The following SLA variants were observed in gnomAD, a reference collection of about 807,000 sequenced individuals.
SLA encodes the protein src-like-adapter.
SLA carries 16 observed loss-of-function variants against 30.3 expected under a neutral mutation model. That is an observed-to-expected ratio of 0.53 (90% CI 0.36 to 0.80). The LOEUF is 0.80. SLA is among the 30% of genes least tolerant of loss of function. The pLI is 0.01. For missense variants in SLA, 310 were observed against 345.2 expected (o/e 0.90, Z 0.81); for synonymous variants, 143 against 137.8 (o/e 1.04, Z -0.26).
At position 133,075,463 on chromosome 8, in the gene SLA, T is replaced by C. The variant is rs555131157; in HGVS notation, c.-318-333A>G. Among the ~76,000 whole-genome samples the C allele has an allele frequency of 1.1e-4, 16 of 152,322 alleles. No homozygotes were observed. In the South Asian group the frequency reaches 3.3e-3, roughly 32 times the overall value. ...AATGTGTGCGTCAAGGGAAAAAAAC[T>C]AGAAAGAACATTATGAGATGGCAGT... On this transcript the variant is annotated intron_variant, in intron 1 of 8. Transcript: ENST00000338087.
intron 3 of SLA, among the ~76,000 whole-genome samples, chr8:133,054,867 T>C (rs1173705847): frequency 6.6e-6 from 1 of 152,218 alleles, no homozygotes; most frequent in Non-Finnish European, 1.5e-5. Context: ...TTTTGTAAAC[T>C]GTCATTCTTT....
intron 1 of SLA, chr8:133,087,817 T>C (rs1323361393): frequency 6.6e-6 from 1 of 152,180 alleles, no homozygotes; most frequent in Non-Finnish European, 1.5e-5. Flanking sequence ...TGGATGCCTG[T>C]GAATGTCACG....
At chr8:133,072,909 C>T (rs1407875236) in intron 2 of SLA, 1 of 152,194 alleles carries the variant, frequency 6.6e-6, no homozygotes, top group Non-Finnish European at 1.5e-5. Context: ...GTGCCCCACT[C>T]ATTGCTTTAG....
chr8:133,102,395 C>T, intron 1 of SLA, 158 bp downstream of exon 1: 1 of 613,462 alleles, frequency 1.6e-6, no homozygotes, highest in Middle Eastern at 4.5e-4. Context: ...CCTGGAGCTA[C>T]TCACCACCAG....
intron 6 of SLA, among the ~76,000 whole-genome samples, chr8:133,045,626 C>G (rs556098832): frequency 2.6e-5 from 4 of 152,168 alleles, no homozygotes; most frequent in Admixed American, 2.6e-4. Context: ...AACTCCTGGA[C>G]TCAAGTGATC....
rs376711807 is a variant in SLA at position 133,070,029 on chromosome 8, A to AAAC, written c.-41+4823_-41+4824insGTT. The stretch of plus-strand genomic sequence containing the variant: ...AAAAAAAAAAAAAAAAAAAAAAAGA[A>AAAC]AGAAAGAAAGAAAAGAAAAGAAGAA... On this transcript the variant is annotated intron_variant, in intron 2 of 8. Transcript: ENST00000338087. 2.0e-3 allele frequency among the ~76,000 whole-genome samples: 223 copies of AAAC among 109,760 alleles called. 43 individuals carry two copies. The highest frequency in any genetic ancestry group is 3.9e-3 in the South Asian group (12 of 3,072). The allele number at this position is 109,760 out of a possible 152,430, so 72.0% of individuals were successfully genotyped here. A position where few individuals can be genotyped will look rare whatever the true frequency, so the allele number is the denominator to read the frequency against.
intron 5 of SLA, 57 bp from the exon 6 acceptor site, chr8:133,047,990 C>T: frequency 9.8e-7 from 1 of 1,024,660 alleles, no homozygotes; most frequent in South Asian, 1.3e-5. Context: ...CCAGGAAAGG[C>T]AGGAATGCGC....
chr8:133,065,178 A>G (rs763160209), intron 2 of SLA, among the ~76,000 whole-genome samples: 1 of 152,114 alleles, frequency 6.6e-6, no homozygotes, highest in Non-Finnish European at 1.5e-5. Context: ...TGACCAGAAC[A>G]CCCCCATCCC....
At chr8:133,095,140 T>C (rs905016241) in intron 1 of SLA, 1 of 1,614,096 alleles carries the variant, frequency 6.2e-7, no homozygotes, top group African/African-American at 1.3e-5. Flanking sequence ...CCCCATGTCA[T>C]CCAGCCAAGA....
At chr8:133,050,953 CT>C in intron 3 of SLA, 38 bp from the exon 4 acceptor site, 1 of 1,241,202 alleles carries the variant, frequency 8.1e-7, no homozygotes, top group Non-Finnish European at 1.2e-6. Flanking sequence ...GGGCAAGGTG[CT>C]TTTTATTCAC....
intron 2 of SLA, among the ~76,000 whole-genome samples, chr8:133,067,653 G>A (rs1843214640): frequency 6.6e-6 from 1 of 152,088 alleles, no homozygotes; most frequent in Admixed American, 6.6e-5. Flanking sequence ...GCAGCTTCCT[G>A]TAATCCCAGT....
chr8:133,095,170 C>T (rs1004244765), intron 1 of SLA: 3 of 1,614,214 alleles, frequency 1.9e-6, no homozygotes, highest in Non-Finnish European at 2.5e-6. Context: ...CTGCCTCCGC[C>T]AGAAGCCTGC....
chr8:133,096,610 G>A (rs1848454416), intron 1 of SLA, among the ~76,000 whole-genome samples: 1 of 152,164 alleles, frequency 6.6e-6, no homozygotes, highest in Non-Finnish European at 1.5e-5. Context: ...GTGGAAAACT[G>A]GAGCTGACCC....
chr8:133,041,413 G>C (rs1587844161), intron 7 of SLA, among the ~76,000 whole-genome samples: 1 of 152,376 alleles, frequency 6.6e-6, no homozygotes, highest in South Asian at 2.1e-4. Flanking sequence ...CTTCAACTGT[G>C]AACTCAAATG....
chr8:133,050,670 T>G, intron 4 of SLA, 146 bp downstream of exon 4: 1 of 619,754 alleles, frequency 1.6e-6, no homozygotes, highest in Non-Finnish European at 2.9e-6. Context: ...AAGAGGAAGG[T>G]TGCAGTATGG....
chr8:133,059,952 C>T, intron 3 of SLA, 148 bp downstream of exon 3: 1 of 800,884 alleles, frequency 1.2e-6, no homozygotes, highest in Admixed American at 3.0e-5. Flanking sequence ...GTATTTGAAC[C>T]ACAAACAAAA....
At chr8:133,059,120 G>T in intron 3 of SLA, 2 of 456,296 alleles carry the variant, frequency 4.4e-6, no homozygotes, top group South Asian at 3.1e-5. Flanking sequence ...GGCAGACAGG[G>T]CAGCCATCTG....
In SLA at chr8:133,049,182, G is replaced by A. The variant is rs77277549; in HGVS notation, c.248+720C>T. On this transcript the variant is annotated intron_variant, in intron 5 of 8. Coordinates refer to ENST00000338087, the MANE Select transcript of SLA (RefSeq NM_001045556.3). ...GAGGCTGCAGAGGCCTCACTGGAAC[G>A]ACTACAGGGGAAAGCAGGGTGCTTA... 3.4e-3 allele frequency: 1,551 copies of A among 456,376 alleles called. 18 individuals are homozygous for A. Among genetic ancestry groups the A allele is most frequent in the African/African-American group, 0.027 (1,346 of 50,172 alleles). The allele number at this position is 456,376 out of a possible 1,614,324, so 28.3% of individuals were successfully genotyped here.
intron 1 of SLA, among the ~76,000 whole-genome samples, chr8:133,088,213 G>T (rs1846918918): frequency 1.3e-5 from 2 of 152,104 alleles, no homozygotes; most frequent in South Asian, 4.1e-4. Flanking sequence ...GTGTTTTTGA[G>T]CCCTATGGCA....
Sources: allele counts gnomAD v4.1 joint callset (sites outside exome capture counted in the v4.1 genomes callset), GRCh38; gene constraint gnomAD v4.1.1; transcripts MANE v1.5; gene names NCBI Gene and HGNC (gene_info 2026-07-23, HGNC 2026-07-21).